Variants in TAFA2 observed in about 807,000 individuals in gnomAD.
TAFA2 encodes chemokine-like protein TAFA-2.
A neutral mutation model predicts 18.8 loss-of-function variants in TAFA2; 7 were observed. That is an observed-to-expected ratio of 0.37 (90% CI 0.21 to 0.70). The LOEUF (loss-of-function observed/expected upper bound fraction) is 0.70, where lower values mean the gene tolerates loss of function less well. Ranked by LOEUF, TAFA2 falls within the 30% of genes least tolerant of loss-of-function variation. TAFA2 has a pLI of 0.53. For missense variants in TAFA2, 122 were observed against 158.1 expected (o/e 0.77, Z 1.23); for synonymous variants, 60 against 54.2 (o/e 1.11, Z -0.47).
At chr12:62,138,956 G>T (rs879684504) in intron 1 of TAFA2, among the ~76,000 whole-genome samples, 1 of 152,088 alleles carries the variant, frequency 6.6e-6, no homozygotes, top group Non-Finnish European at 1.5e-5. Context: ...GCCACCCAGA[G>T]ATCAGAAATA....
chr12:61,784,293 G>A (rs1455006954), intron 2 of TAFA2, among the ~76,000 whole-genome samples: 1 of 151,494 alleles, frequency 6.6e-6, no homozygotes, highest in Non-Finnish European at 1.5e-5. Flanking sequence ...TAGGGTCTGA[G>A]AAGTTGTTTT....
chr12:61,898,136 G>T (rs1875935814), intron 1 of TAFA2, among the ~76,000 whole-genome samples: 1 of 152,228 alleles, frequency 6.6e-6, no homozygotes, highest in African/African-American at 2.4e-5. Flanking sequence ...CAAGAGGTGG[G>T]CTCCCATGGC....
intron 2 of TAFA2, among the ~76,000 whole-genome samples, chr12:61,847,380 A>G (rs12422512): frequency 0.29 from 44,113 of 152,058 alleles, 6,997 homozygotes; most frequent in South Asian, 0.4. Context: ...TGCTCAATAC[A>G]TATTTGTTGA....
intron 4 of TAFA2, among the ~76,000 whole-genome samples, chr12:61,713,536 T>C (rs965205769): frequency 2.0e-5 from 3 of 152,124 alleles, no homozygotes; most frequent in Non-Finnish European, 2.9e-5. Context: ...AGGATGAACA[T>C]GTATAAATAT....
At chr12:61,853,368 AAGAC>A (rs1873756233) in intron 2 of TAFA2, among the ~76,000 whole-genome samples, 1 of 152,176 alleles carries the variant, frequency 6.6e-6, no homozygotes, top group Non-Finnish European at 1.5e-5. Context: ...ATGTGGAAAT[AAGAC>A]AGAGAGTGAC....
At chr12:61,760,055 C>A (rs1408306866) in intron 2 of TAFA2, among the ~76,000 whole-genome samples, 1 of 141,490 alleles carries the variant, frequency 7.1e-6, no homozygotes, top group Non-Finnish European at 1.5e-5. Flanking sequence ...CTGATAGATG[C>A]AGGGCTTTCC....
intron 2 of TAFA2, among the ~76,000 whole-genome samples, chr12:61,762,855 T>G (rs1239953561): frequency 6.6e-6 from 1 of 152,060 alleles, no homozygotes; most frequent in East Asian, 1.9e-4. Context: ...TACTCCTATT[T>G]AATAGTTTAC....
At position 62,109,284 on chromosome 12, in the gene TAFA2, C is replaced by T. The variant is rs572972728; in HGVS notation, c.-2+81975G>A. Among the ~76,000 whole-genome samples, 78 of 152,084 alleles carry T rather than the reference C, an allele frequency of 5.1e-4. 1 individual carries two copies. The highest frequency in any genetic ancestry group is 4.2e-4 in the South Asian group (2 of 4,814). On this transcript the variant is annotated intron_variant, in intron 1 of 4. Coordinates refer to ENST00000416284, the MANE Select transcript of TAFA2 (RefSeq NM_178539.5). ...TTGTCAGGTTTGTCGAAGATCAGATCGTTGTAGATGTGTAGCATTATTTCT... is the reference window on the plus strand; with the variant it reads ...TTGTCAGGTTTGTCGAAGATCAGATTGTTGTAGATGTGTAGCATTATTTCT...
In TAFA2 at chr12:62,153,906, C is replaced by T. The variant is rs547625647; in HGVS notation, c.-2+37353G>A. Reference sequence around the variant, plus strand: ...AGTGAGCACAGTGTCTATACACAGGCATGAACATAACAAAATTATGTTATG... The same window carrying T: ...AGTGAGCACAGTGTCTATACACAGGTATGAACATAACAAAATTATGTTATG... On this transcript the variant is annotated intron_variant, in intron 1 of 4. Transcript: ENST00000416284. Among the ~76,000 whole-genome samples, 10 of 126,522 alleles carry T rather than the reference C, an allele frequency of 7.9e-5. No homozygotes were observed. In the South Asian group the frequency reaches 2.0e-3, roughly 26 times the overall value. 83.0% of individuals were successfully genotyped at this position (126,522 alleles called of 152,430 possible).
chr12:62,208,018 G>A (rs910498244), intron 1 of TAFA2, among the ~76,000 whole-genome samples: 2 of 152,106 alleles, frequency 1.3e-5, no homozygotes, highest in African/African-American at 2.4e-5. Flanking sequence ...GAAGTGAGAT[G>A]GGCAATCTTG....
chr12:62,054,306 C>T (rs1882131545), intron 1 of TAFA2, among the ~76,000 whole-genome samples: 1 of 152,174 alleles, frequency 6.6e-6, no homozygotes, highest in African/African-American at 2.4e-5. Context: ...TTTAGTTAGT[C>T]TTTTCAGCCC....
intron 1 of TAFA2, among the ~76,000 whole-genome samples, chr12:62,010,317 C>T (rs1442406223): frequency 6.6e-6 from 1 of 152,152 alleles, no homozygotes; most frequent in Non-Finnish European, 1.5e-5. Context: ...GCCGCCATGC[C>T]TGACTGGTTT....
At chr12:62,155,114 A>G (rs1314346969) in intron 1 of TAFA2, among the ~76,000 whole-genome samples, 1 of 152,244 alleles carries the variant, frequency 6.6e-6, no homozygotes, top group Admixed American at 6.5e-5. Flanking sequence ...ATACAAGATT[A>G]ATGTACACAA....
intron 4 of TAFA2, among the ~76,000 whole-genome samples, chr12:61,740,601 A>G (rs1045625538): frequency 6.6e-6 from 1 of 152,076 alleles, no homozygotes; most frequent in Non-Finnish European, 1.5e-5. Flanking sequence ...TATTCAGAAA[A>G]TGATTACACT....
intron 4 of TAFA2, among the ~76,000 whole-genome samples, chr12:61,733,160 T>C (rs1049036711): frequency 6.6e-6 from 1 of 152,178 alleles, no homozygotes; most frequent in Non-Finnish European, 1.5e-5. Context: ...TCATTGTAGA[T>C]TCTGGATATT....
At chr12:61,960,272 C>T (rs941362689) in intron 1 of TAFA2, among the ~76,000 whole-genome samples, 16 of 151,672 alleles carry the variant, frequency 1.1e-4, no homozygotes, top group Admixed American at 6.6e-5. Flanking sequence ...TCGCTGGGTT[C>T]AGTGGTCCTT....
At chr12:61,754,788 TC>T in intron 3 of TAFA2, 83 bp downstream of exon 3, 1 of 1,366,058 alleles carries the variant, frequency 7.3e-7, no homozygotes, top group Non-Finnish European at 1.0e-6. Flanking sequence ...AGGATTGACC[TC>T]CCATTGAGAG....
At position 62,019,830 on chromosome 12, in the gene TAFA2, A is replaced by T. The variant is rs542286766; in HGVS notation, c.-1-152404T>A. Among the ~76,000 whole-genome samples, 644 of 152,090 alleles carry T rather than the reference A, an allele frequency of 4.2e-3. 5 individuals carry two copies. Among genetic ancestry groups the T allele is most frequent in the African/African-American group, 0.014 (565 of 41,496 alleles). ...AACTTAAAGTATAATAAAAAAATTT[A>T]AAAAAATAGAATAAAATAAAATAAA... On this transcript the variant is annotated intron_variant, in intron 1 of 4. Coordinates refer to ENST00000416284, the MANE Select transcript of TAFA2 (RefSeq NM_178539.5).
intron 1 of TAFA2, among the ~76,000 whole-genome samples, chr12:61,999,679 T>C (rs187547298): frequency 6.6e-5 from 10 of 152,330 alleles, no homozygotes; most frequent in Admixed American, 1.3e-4. Flanking sequence ...ATACTAGTAC[T>C]ATATCCCAGA....
Sources: allele counts gnomAD v4.1 joint callset (sites outside exome capture counted in the v4.1 genomes callset), GRCh38; gene constraint gnomAD v4.1.1; transcripts MANE v1.5; gene names NCBI Gene and HGNC (gene_info 2026-07-23, HGNC 2026-07-21).